Variants in FGF10 observed in about 807,000 individuals in gnomAD.
FGF10 encodes fibroblast growth factor 10.
In FGF10, 2 loss-of-function variants were observed where a neutral mutation model predicts 19.8. The observed-to-expected ratio is 0.10, with a 90% confidence interval of 0.04 to 0.32. FGF10 has a LOEUF of 0.32. FGF10 is among the 10% of genes least tolerant of loss of function. The pLI is 1.00. For synonymous variants in FGF10, 112 were observed against 94.0 expected (o/e 1.19, Z -1.10); for missense variants, 191 against 246.3 (o/e 0.78, Z 1.50).
At chr5:44,328,238 A>T (rs1417822739) in intron 1 of FGF10, among the ~76,000 whole-genome samples, 1 of 152,176 alleles carries the variant, frequency 6.6e-6, no homozygotes, top group Non-Finnish European at 1.5e-5. Flanking sequence ...TTGGAAAGTC[A>T]GAGATATTTT....
intron 1 of FGF10, among the ~76,000 whole-genome samples, chr5:44,372,908 G>T (rs1472684269): frequency 6.6e-6 from 1 of 152,224 alleles, no homozygotes; most frequent in Non-Finnish European, 1.5e-5. Flanking sequence ...CACATGGCTA[G>T]AGTCTCTGCT....
chr5:44,309,797 G>A (rs149941024), intron 2 of FGF10, among the ~76,000 whole-genome samples: 2 of 152,174 alleles, frequency 1.3e-5, no homozygotes, highest in African/African-American at 2.4e-5. Context: ...TTAACACCTG[G>A]TATGGAATAT....
intron 1 of FGF10, among the ~76,000 whole-genome samples, chr5:44,353,975 T>C (rs955919171): frequency 3.3e-5 from 5 of 151,558 alleles, no homozygotes; most frequent in Non-Finnish European, 7.4e-5. Context: ...TTTTCTTTCA[T>C]ATTGGTAGCA....
chr5:44,381,885 A>C (rs976041410), intron 1 of FGF10, among the ~76,000 whole-genome samples: 5 of 152,190 alleles, frequency 3.3e-5, no homozygotes, highest in African/African-American at 4.8e-5. Context: ...TATTAGGTTT[A>C]GTTGACAATT....
chr5:44,344,029 A>G (rs1741028346), intron 1 of FGF10, among the ~76,000 whole-genome samples: 1 of 152,010 alleles, frequency 6.6e-6, no homozygotes, highest in South Asian at 2.1e-4. Flanking sequence ...CTGAATGCAG[A>G]CAGATCAAAG....
At chr5:44,309,823 C>A (rs1330985152) in intron 2 of FGF10, among the ~76,000 whole-genome samples, 1 of 151,904 alleles carries the variant, frequency 6.6e-6, no homozygotes, top group Non-Finnish European at 1.5e-5. Context: ...TGGATGTGCC[C>A]AAAGCACTGC....
rs1050210431 is a variant in FGF10 at position 44,300,627 on chromosome 5, A to C, written c.*4368T>G. ...GAAGAATAATTGGAATTGGTGGGAA[A>C]TATAGGAATAGAAAATGTTTTTATG... On this transcript the variant is annotated 3_prime_UTR_variant, in exon 3 of 3. Coordinates refer to ENST00000264664, the MANE Select transcript of FGF10 (RefSeq NM_004465.2). Among the ~76,000 whole-genome samples the C allele has an allele frequency of 6.6e-6, 1 of 152,194 alleles. No individual in the cohort carries two copies. The highest frequency in any genetic ancestry group is 2.4e-5 in the African/African-American group (1 of 41,454).
intron 1 of FGF10, among the ~76,000 whole-genome samples, chr5:44,377,609 C>A (rs1741894947): frequency 6.6e-6 from 1 of 151,956 alleles, no homozygotes; most frequent in Non-Finnish European, 1.5e-5. Context: ...AAATATTCAT[C>A]TTCTATTCTT....
At chr5:44,349,451 T>TATATATATCAGA (rs1554038149) in intron 1 of FGF10, among the ~76,000 whole-genome samples, 229 of 16,668 alleles carry the variant, frequency 0.014, no homozygotes, top group Non-Finnish European at 0.021. Flanking sequence ...TATATATATA[T>TATATATATCAGA]ATATATATAT....
At chr5:44,351,910 G>A (rs911011487) in intron 1 of FGF10, among the ~76,000 whole-genome samples, 1 of 151,466 alleles carries the variant, frequency 6.6e-6, no homozygotes, top group African/African-American at 2.4e-5. Flanking sequence ...TGATTTTTAC[G>A]TTTAAGGTCT....
At chr5:44,367,787 C>A (rs1741652834) in intron 1 of FGF10, among the ~76,000 whole-genome samples, 1 of 151,362 alleles carries the variant, frequency 6.6e-6, no homozygotes, top group African/African-American at 2.4e-5. Flanking sequence ...GTAGTTAAGA[C>A]CATTCACCCA....
rs1454400531 is a variant in FGF10 at position 44,301,662 on chromosome 5, TTAGAG to T, written c.*3328_*3332del. ...AAAGATTGAAAGCATTTGGTTGTTA[TTAGAG>T]TAAAGATAGCTAACTCACACATGTG... On this transcript the variant is annotated 3_prime_UTR_variant, in exon 3 of 3. Transcript: ENST00000264664. Among the ~76,000 whole-genome samples the T allele has an allele frequency of 6.6e-5, 10 of 152,188 alleles. No homozygotes were observed. The highest frequency in any genetic ancestry group is 2.1e-4 in the South Asian group (1 of 4,836).
At chr5:44,339,596 C>T (rs905567421) in intron 1 of FGF10, among the ~76,000 whole-genome samples, 1 of 152,128 alleles carries the variant, frequency 6.6e-6, no homozygotes, top group African/African-American at 2.4e-5. Context: ...GAAACAGTAA[C>T]CTATGAGGCC....
rs1319976158 is a variant in FGF10 at position 44,371,083 on chromosome 5, A to G, written c.325+17275T>C. 3.3e-5 allele frequency among the ~76,000 whole-genome samples: 5 copies of G among 152,268 alleles called. No individual in the cohort carries two copies. The East Asian group carries it at 9.7e-4, about 30-fold the overall frequency. ...AAATTCATTTTGAAATTTAATCCCC[A>G]GTATGGCACCAGGAACCAAAAGGTG... On this transcript the variant is annotated intron_variant, in intron 1 of 2. Coordinates refer to ENST00000264664, the MANE Select transcript of FGF10 (RefSeq NM_004465.2).
chr5:44,375,052 A>T (rs921812749), intron 1 of FGF10, among the ~76,000 whole-genome samples: 1 of 152,184 alleles, frequency 6.6e-6, no homozygotes, highest in Non-Finnish European at 1.5e-5. Flanking sequence ...GTAGCATATT[A>T]ATCACCTTTC....
chr5:44,388,295 T>G, intron 1 of FGF10, 63 bp downstream of exon 1: 1 of 1,489,736 alleles, frequency 6.7e-7, no homozygotes, highest in Non-Finnish European at 9.4e-7. Flanking sequence ...GAACAGATTT[T>G]TCCCCCCCGT....
intron 1 of FGF10, among the ~76,000 whole-genome samples, chr5:44,366,366 A>G (rs1254449325): frequency 6.6e-6 from 1 of 151,872 alleles, no homozygotes; most frequent in African/African-American, 2.4e-5. Flanking sequence ...CAATTTTCAC[A>G]TATGTGACAT....
intron 1 of FGF10, among the ~76,000 whole-genome samples, chr5:44,322,819 A>G (rs1292526289): frequency 1.3e-5 from 2 of 151,886 alleles, no homozygotes; most frequent in Middle Eastern, 6.8e-3. Context: ...CTGATTCTAC[A>G]TTATGGTGAG....
chr5:44,320,633 T>C (rs960010568), intron 1 of FGF10, among the ~76,000 whole-genome samples: 1 of 152,224 alleles, frequency 6.6e-6, no homozygotes, highest in African/African-American at 2.4e-5. Context: ...AAAAAAGCCA[T>C]AAAACCTTTA....
Sources: gnomAD v4.1 joint callset for allele counts (sites outside exome capture counted in the v4.1 genomes callset) on GRCh38, gnomAD v4.1.1 for gene constraint, MANE v1.5 for transcripts, NCBI Gene and HGNC (gene_info 2026-07-23, HGNC 2026-07-21) for gene names.